Variants in NKAIN2 observed in about 807,000 individuals in gnomAD.
NKAIN2 encodes sodium/potassium-transporting ATPase subunit beta-1-interacting protein 2.
NKAIN2 carries 14 observed loss-of-function variants against 32.6 expected under a neutral mutation model. The ratio of observed to expected loss-of-function variants is 0.43; its 90% CI spans 0.28 to 0.67. The LOEUF (loss-of-function observed/expected upper bound fraction) is 0.67. Ranked by LOEUF, NKAIN2 falls within the 30% of genes least tolerant of loss-of-function variation. The pLI is 0.17. For synonymous variants in NKAIN2, 80 were observed against 87.2 expected (o/e 0.92, Z 0.46); for missense variants, 198 against 258.3 (o/e 0.77, Z 1.60).
At chr6:124,577,355 A>G (rs1781371518) in intron 3 of NKAIN2, among the ~76,000 whole-genome samples, 1 of 151,792 alleles carries the variant, frequency 6.6e-6, no homozygotes, top group Non-Finnish European at 1.5e-5. Context: ...TGCACCCCCC[A>G]GCAGCAGCTG....
intron 4 of NKAIN2, among the ~76,000 whole-genome samples, chr6:124,785,281 C>T (rs1218505599): frequency 6.6e-6 from 1 of 152,048 alleles, no homozygotes; most frequent in East Asian, 1.9e-4. Flanking sequence ...CTGAGACCTT[C>T]TAATATTTTA....
At chr6:124,441,355 G>C (rs1041908013) in intron 3 of NKAIN2, among the ~76,000 whole-genome samples, 3 of 152,000 alleles carry the variant, frequency 2.0e-5, no homozygotes, top group African/African-American at 7.2e-5. Context: ...TTCCTTAACA[G>C]TCCTTCACCA....
intron 3 of NKAIN2, among the ~76,000 whole-genome samples, chr6:124,357,850 T>C (rs868821822): frequency 3.9e-4 from 60 of 152,330 alleles, no homozygotes; most frequent in African/African-American, 1.4e-3. Flanking sequence ...TATGTATACA[T>C]GTGCCATGTT....
At chr6:124,413,314 A>T (rs186352365) in intron 3 of NKAIN2, among the ~76,000 whole-genome samples, 1 of 152,268 alleles carries the variant, frequency 6.6e-6, no homozygotes, top group Admixed American at 6.5e-5. Flanking sequence ...GCAGATTTTC[A>T]ATTGTTGTGG....
chr6:123,939,312 C>T lies in NKAIN2; in HGVS notation c.54+135058C>T, dbSNP rs188259276. Among the ~76,000 whole-genome samples, 367 of 151,948 alleles carry T rather than the reference C, an allele frequency of 2.4e-3. 1 individual carries two copies. Among genetic ancestry groups the T allele is most frequent in the Non-Finnish European group, 4.0e-3 (269 of 67,920 alleles). ...AATATACATACCAAGTGTTAGTCTGCGCAGGTAAACTAATGCCTTACCCCG... is the reference window on the plus strand; with the variant it reads ...AATATACATACCAAGTGTTAGTCTGTGCAGGTAAACTAATGCCTTACCCCG... On this transcript the variant is annotated intron_variant, in intron 1 of 6. Coordinates refer to ENST00000368417, the MANE Select transcript of NKAIN2 (RefSeq NM_001040214.3).
intron 1 of NKAIN2, among the ~76,000 whole-genome samples, chr6:124,008,538 G>A (rs746752818): frequency 3.5e-4 from 54 of 152,146 alleles, no homozygotes; most frequent in Non-Finnish European, 6.6e-4. Flanking sequence ...CAGTTCCAGA[G>A]AATCAGAACT....
At chr6:123,961,994 T>C (rs1166770944) in intron 1 of NKAIN2, among the ~76,000 whole-genome samples, 2 of 152,184 alleles carry the variant, frequency 1.3e-5, no homozygotes, top group Admixed American at 6.5e-5. Flanking sequence ...TATTGCTTCA[T>C]CAAATAGTTT....
intron 2 of NKAIN2, among the ~76,000 whole-genome samples, chr6:124,324,327 T>G (rs1797330381): frequency 2.0e-5 from 3 of 152,202 alleles, no homozygotes; most frequent in Admixed American, 1.3e-4. Context: ...CTATACATTT[T>G]TCTAGATTTA....
chr6:124,138,227 GA>G (rs1167513339), intron 1 of NKAIN2, among the ~76,000 whole-genome samples: 3 of 151,964 alleles, frequency 2.0e-5, no homozygotes, highest in African/African-American at 7.2e-5. Flanking sequence ...CAACAAACAT[GA>G]AAAAATGTTG....
intron 5 of NKAIN2, among the ~76,000 whole-genome samples, chr6:124,805,247 G>C: frequency 6.6e-6 from 1 of 152,198 alleles, no homozygotes; most frequent in South Asian, 2.1e-4. Context: ...CCCCCCAGTA[G>C]GGGCAGACTG....
chr6:124,397,463 T>TA (rs1252075266), intron 3 of NKAIN2, among the ~76,000 whole-genome samples: 11 of 152,076 alleles, frequency 7.2e-5, no homozygotes, highest in African/African-American at 2.7e-4. Context: ...ATTGGGCTGT[T>TA]TTACCTCATT....
Position 123,823,905 on chromosome 6 carries a change from G to T in NKAIN2, c.54+19651G>T, listed in dbSNP as rs146475979. ...TTTCATTAGCATTGGAAAAATCAAT[G>T]TGAAGGACTTAAGAAGAAATAAGTA... On this transcript the variant is annotated intron_variant, in intron 1 of 6. Transcript: ENST00000368417. 3.3e-3 allele frequency among the ~76,000 whole-genome samples: 497 copies of T among 152,160 alleles called. 3 individuals carry two copies. The highest frequency in any genetic ancestry group is 0.025 in the Admixed American group (380 of 15,258).
chr6:124,147,987 C>G (rs1422023587), intron 1 of NKAIN2, among the ~76,000 whole-genome samples: 1 of 152,240 alleles, frequency 6.6e-6, no homozygotes, highest in African/African-American at 2.4e-5. Context: ...TTAGTTTCCA[C>G]TGCAGTCCCT....
chr6:124,681,734 G>T (rs1267102999), intron 4 of NKAIN2, among the ~76,000 whole-genome samples: 1 of 151,954 alleles, frequency 6.6e-6, no homozygotes, highest in Non-Finnish European at 1.5e-5. Flanking sequence ...GAATGTTTGG[G>T]AAATCTAAAA....
At chr6:124,545,331 T>G (rs2114853826) in intron 3 of NKAIN2, among the ~76,000 whole-genome samples, 2 of 152,222 alleles carry the variant, frequency 1.3e-5, no homozygotes, top group Admixed American at 1.3e-4. Context: ...TGAGACTGTC[T>G]CCCTTTTCTC....
chr6:124,190,719 A>G (rs960222250), intron 1 of NKAIN2, among the ~76,000 whole-genome samples: 1 of 152,220 alleles, frequency 6.6e-6, no homozygotes, highest in South Asian at 2.1e-4. Flanking sequence ...TTCTAAGATG[A>G]CAGGGTGTTA....
At chr6:123,978,954 G>A (rs1352277074) in intron 1 of NKAIN2, among the ~76,000 whole-genome samples, 5 of 151,966 alleles carry the variant, frequency 3.3e-5, no homozygotes, top group African/African-American at 7.2e-5. Context: ...CTGTAGTTTC[G>A]GAGATCATTG....
At chr6:124,419,836 G>T (rs374586865) in intron 3 of NKAIN2, among the ~76,000 whole-genome samples, 49 of 152,118 alleles carry the variant, frequency 3.2e-4, no homozygotes, top group African/African-American at 1.2e-3. Flanking sequence ...CCTTAATTGT[G>T]ATGTCTTTGT....
chr6:124,790,040 G>A (rs1779674692), intron 4 of NKAIN2, among the ~76,000 whole-genome samples: 1 of 151,988 alleles, frequency 6.6e-6, no homozygotes, highest in African/African-American at 2.4e-5. Flanking sequence ...CTTCAACTCT[G>A]CCTCCCCAGT....
Sources: gnomAD v4.1 joint callset for allele counts (sites outside exome capture counted in the v4.1 genomes callset) on GRCh38, gnomAD v4.1.1 for gene constraint, MANE v1.5 for transcripts, NCBI Gene and HGNC (gene_info 2026-07-23, HGNC 2026-07-21) for gene names.